Variants in SNTG2 observed in about 807,000 individuals in gnomAD.
SNTG2 encodes syntrophin gamma 2, also known as gamma-2-syntrophin.
SNTG2 carries 74 observed loss-of-function variants against 70.9 expected under a neutral mutation model. The observed-to-expected ratio is 1.04, with a 90% CI of 0.86 to 1.27. SNTG2 has a LOEUF of 1.27. SNTG2 is among the 50% of genes most tolerant of loss of function. The pLI, the probability that SNTG2 is intolerant of heterozygous loss-of-function variation, is 0.00. For synonymous variants in SNTG2, 278 were observed against 273.8 expected (o/e 1.02, Z -0.15); for missense variants, 717 against 690.7 (o/e 1.04, Z -0.43).
At chr2:1,171,908 G>C (rs57724855) in intron 7 of SNTG2, among the ~76,000 whole-genome samples, 1 of 151,936 alleles carries the variant, frequency 6.6e-6, no homozygotes, top group Non-Finnish European at 1.5e-5. Flanking sequence ...AAGCCATATC[G>C]CATTCCTGTC....
intron 1 of SNTG2, among the ~76,000 whole-genome samples, chr2:1,038,934 T>C (rs554151268): frequency 6.6e-6 from 1 of 152,356 alleles, no homozygotes; most frequent in South Asian, 2.1e-4. Context: ...GCTCATATTG[T>C]TATGCTTCTA....
chr2:1,252,932 C>T (rs770686221), intron 12 of SNTG2, among the ~76,000 whole-genome samples: 30 of 152,236 alleles, frequency 2.0e-4, no homozygotes, highest in Non-Finnish European at 3.8e-4. Flanking sequence ...TTTTTCTGGC[C>T]TGACATTTTA....
In SNTG2 at chr2:1,209,218, C is replaced by T. The variant is rs200559818; in HGVS notation, c.707C>T (p.Thr236Met). The T allele has an allele frequency of 2.9e-4, 464 of 1,613,782 alleles. 4 individuals are homozygous for T. The highest frequency in any genetic ancestry group is 8.2e-4 in the Middle Eastern group (5 of 6,082). Reference protein sequence around the residue: ...MARISRYKAGTEKLRWNAFEV... With the variant: ...MARISRYKAGMEKLRWNAFEV... ...CGCATCTCAAGGTACAAAGCCGGAA[C>T]GGAAAAATTAAGGTGTGTGACCATT... Residue 236 changes from threonine (T) to methionine (M), a missense_variant, in exon 9 of 17, where the codon ACG becomes ATG. By Grantham distance (81) the Thr-to-Met change is moderately conservative. Coordinates refer to ENST00000308624, the MANE Select transcript of SNTG2 (RefSeq NM_018968.4).
In SNTG2 at chr2:1,233,540, A is replaced by T. The variant is rs570398424; in HGVS notation, c.720-4348A>T. Among the ~76,000 whole-genome samples the T allele has an allele frequency of 2.6e-5, 4 of 152,294 alleles. No homozygotes were observed. In the East Asian group the frequency reaches 7.7e-4, roughly 29 times the overall value. On this transcript the variant is annotated intron_variant, in intron 9 of 16. Coordinates refer to ENST00000308624, the MANE Select transcript of SNTG2 (RefSeq NM_018968.4). Reference sequence around the variant, plus strand: ...TTTCCCGGCAGGAGCCGCAGGGTGCAGGGTTGAGGCTGGCACTGAGCCCAC... The same window carrying T: ...TTTCCCGGCAGGAGCCGCAGGGTGCTGGGTTGAGGCTGGCACTGAGCCCAC...
At chr2:1,320,385 A>G (rs1258951378) in intron 16 of SNTG2, among the ~76,000 whole-genome samples, 3 of 151,878 alleles carry the variant, frequency 2.0e-5, no homozygotes, top group Admixed American at 6.6e-5. Context: ...ACAAAAAATT[A>G]GCCGGGCCTG....
At chr2:1,339,714 C>G (rs1659988858) in intron 16 of SNTG2, among the ~76,000 whole-genome samples, 3 of 152,268 alleles carry the variant, frequency 2.0e-5, no homozygotes, top group African/African-American at 7.2e-5. Flanking sequence ...AAATGTAAAC[C>G]CTTCTGCCAC....
intron 2 of SNTG2, among the ~76,000 whole-genome samples, chr2:1,087,173 G>C (rs959617565): frequency 2.0e-5 from 3 of 152,208 alleles, no homozygotes; most frequent in African/African-American, 4.8e-5. Context: ...GATAGCAGGA[G>C]GGGTAAATAA....
chr2:1,274,467 C>G (rs899315158), intron 14 of SNTG2, among the ~76,000 whole-genome samples: 7 of 152,202 alleles, frequency 4.6e-5, no homozygotes, highest in African/African-American at 1.4e-4. Flanking sequence ...AGAGTACATT[C>G]TGTCTAATTT....
chr2:1,278,722 C>T (rs1679373606), intron 14 of SNTG2, among the ~76,000 whole-genome samples: 1 of 152,132 alleles, frequency 6.6e-6, no homozygotes, highest in Admixed American at 6.5e-5. Context: ...AGATGTAAAG[C>T]CTGTTTATGT....
chr2:1,346,542 C>G (rs1439839772), intron 16 of SNTG2: 1 of 152,352 alleles, frequency 6.6e-6, no homozygotes, highest in Non-Finnish European at 1.5e-5. Flanking sequence ...CAAGCTCCCT[C>G]CAACGCGGGC....
At chr2:1,295,411 G>A (rs778301589) in intron 14 of SNTG2, among the ~76,000 whole-genome samples, 18 of 152,208 alleles carry the variant, frequency 1.2e-4, no homozygotes, top group South Asian at 2.1e-4. Flanking sequence ...ATCCGCTTCA[G>A]TAAGTTACCC....
At chr2:1,133,179 A>C (rs1026712230) in intron 4 of SNTG2, among the ~76,000 whole-genome samples, 4 of 152,262 alleles carry the variant, frequency 2.6e-5, no homozygotes, top group Admixed American at 2.6e-4. Context: ...CAGTAATTTT[A>C]GTCATTATTA....
intron 16 of SNTG2, among the ~76,000 whole-genome samples, chr2:1,356,584 AAT>A (rs936649800): frequency 2.0e-5 from 3 of 152,130 alleles, no homozygotes; most frequent in Non-Finnish European, 4.4e-5. Context: ...GTGGCTTTGT[AAT>A]ATGTTTTAGA....
At chr2:1,340,718 A>G (rs1316276741) in intron 16 of SNTG2, among the ~76,000 whole-genome samples, 3 of 152,236 alleles carry the variant, frequency 2.0e-5, no homozygotes, top group Non-Finnish European at 4.4e-5. Flanking sequence ...CATTAATTAT[A>G]AAAGCATCCT....
At chr2:992,411 A>G (rs1036136372) in intron 1 of SNTG2, among the ~76,000 whole-genome samples, 1 of 152,228 alleles carries the variant, frequency 6.6e-6, no homozygotes, top group Non-Finnish European at 1.5e-5. Context: ...CTTTCTTGAT[A>G]CAGTATTTAG....
intron 1 of SNTG2, among the ~76,000 whole-genome samples, chr2:1,008,726 A>G (rs1375849543): frequency 1.3e-5 from 2 of 152,218 alleles, no homozygotes; most frequent in African/African-American, 4.8e-5. Flanking sequence ...GTAAAAGGGC[A>G]TCTGGTTTGG....
intron 1 of SNTG2, among the ~76,000 whole-genome samples, chr2:961,533 G>A (rs531838861): frequency 2.6e-4 from 40 of 152,324 alleles, no homozygotes; most frequent in African/African-American, 9.6e-4. Context: ...ACTCAGAATG[G>A]TAGGATTAGC....
At chr2:951,883 G>A (rs77404300) in intron 1 of SNTG2, among the ~76,000 whole-genome samples, 4 of 152,038 alleles carry the variant, frequency 2.6e-5, no homozygotes, top group Non-Finnish European at 5.9e-5. Flanking sequence ...TCCTTCCCCA[G>A]GAGCTCCCAG....
chr2:1,301,576 A>C (rs1354371880), intron 14 of SNTG2, among the ~76,000 whole-genome samples: 1 of 152,144 alleles, frequency 6.6e-6, no homozygotes, highest in Non-Finnish European at 1.5e-5. Context: ...AAGAAAACAA[A>C]TCTTGAAAGC....
Sources: allele counts gnomAD v4.1 joint callset (sites outside exome capture counted in the v4.1 genomes callset), GRCh38; gene constraint gnomAD v4.1.1; transcripts MANE v1.5; gene names NCBI Gene and HGNC (gene_info 2026-07-23, HGNC 2026-07-21).